Variants in CACNA2D1 observed in about 807,000 individuals in gnomAD.
CACNA2D1 encodes the protein voltage-dependent calcium channel subunit alpha-2/delta-1.
CACNA2D1 carries 53 observed loss-of-function variants against 171.5 expected under a neutral mutation model. The ratio of observed to expected loss-of-function variants is 0.31; its 90% CI spans 0.25 to 0.39. The LOEUF (loss-of-function observed/expected upper bound fraction) is 0.39. Among genes scored for constraint, CACNA2D1 ranks in the 10% least tolerant of loss-of-function variants. The pLI, the probability that CACNA2D1 is intolerant of heterozygous loss-of-function variation, is 1.00. For missense variants in CACNA2D1, 903 were observed against 1,299.8 expected, an observed-to-expected ratio of 0.69 and a Z score of 4.69; for synonymous variants, 442 against 443.1, an observed-to-expected ratio of 1.00 and a Z score of 0.03.
chr7:82,013,025 C>T (rs908992447), intron 14 of CACNA2D1, among the ~76,000 whole-genome samples: 4 of 151,900 alleles, frequency 2.6e-5, no homozygotes, highest in Non-Finnish European at 5.9e-5. Flanking sequence ...ATAAATAGAT[C>T]CACAGGGGTT....
chr7:82,118,137 C>A (rs1481864190), intron 5 of CACNA2D1, among the ~76,000 whole-genome samples: 1 of 152,094 alleles, frequency 6.6e-6, no homozygotes, highest in Non-Finnish European at 1.5e-5. Context: ...GAATGAAGAT[C>A]CAATCAATAA....
intron 3 of CACNA2D1, among the ~76,000 whole-genome samples, chr7:82,206,653 A>G (rs1247164275): frequency 6.6e-6 from 1 of 152,174 alleles, no homozygotes; most frequent in Non-Finnish European, 1.5e-5. Context: ...CTAGGTCTCA[A>G]AATGGCAGGA....
chr7:82,297,072 C>CAAAAAA lies in CACNA2D1; in HGVS notation c.294+38057_294+38062dup, dbSNP rs57473351. 3.0e-3 allele frequency among the ~76,000 whole-genome samples: 215 copies of CAAAAAA among 72,204 alleles called. 20 individuals are homozygous for CAAAAAA. Among genetic ancestry groups the CAAAAAA allele is most frequent in the African/African-American group, 0.013 (180 of 14,108 alleles). 47.4% of individuals were successfully genotyped at this position (72,204 alleles called of 152,430 possible). ...AAACATAGTGAGGCTCTGTGTCTACCAAAAAAAAAAAAAAAAAAAAAAAAA... is the reference window on the plus strand; with the variant it reads ...AAACATAGTGAGGCTCTGTGTCTACCAAAAAAAAAAAAAAAAAAAAAAAAAAAAAAA... On this transcript the variant is annotated intron_variant, in intron 3 of 38. Transcript: ENST00000356860.
At chr7:82,144,566 T>G (rs1792764345) in intron 4 of CACNA2D1, among the ~76,000 whole-genome samples, 1 of 152,054 alleles carries the variant, frequency 6.6e-6, no homozygotes, top group Non-Finnish European at 1.5e-5. Context: ...AAATTTAAAA[T>G]TCTAGCAGAA....
At chr7:82,001,949 T>C (rs962406941) in intron 18 of CACNA2D1, among the ~76,000 whole-genome samples, 1 of 149,938 alleles carries the variant, frequency 6.7e-6, no homozygotes, top group African/African-American at 2.5e-5. Flanking sequence ...ATTTTTCTTT[T>C]TCTAGAAAAG....
At chr7:82,156,972 C>G (rs1794438920) in intron 4 of CACNA2D1, among the ~76,000 whole-genome samples, 1 of 152,028 alleles carries the variant, frequency 6.6e-6, no homozygotes, top group Non-Finnish European at 1.5e-5. Context: ...TTAATTTGCT[C>G]AACAAGTAGC....
intron 3 of CACNA2D1, among the ~76,000 whole-genome samples, chr7:82,319,163 AAGC>A (rs1298659148): frequency 6.6e-6 from 1 of 152,218 alleles, no homozygotes; most frequent in Non-Finnish European, 1.5e-5. Flanking sequence ...AGTATATCAG[AAGC>A]ACATAAAAAA....
chr7:82,217,378 T>TACACAC (rs1340494071), intron 3 of CACNA2D1, among the ~76,000 whole-genome samples: 1 of 113,712 alleles, frequency 8.8e-6, no homozygotes, highest in Non-Finnish European at 1.7e-5. Context: ...TACACACATA[T>TACACAC]ACACACACAC....
At chr7:82,197,793 C>T (rs1351961454) in intron 3 of CACNA2D1, among the ~76,000 whole-genome samples, 2 of 138,426 alleles carry the variant, frequency 1.4e-5, no homozygotes, top group Non-Finnish European at 3.2e-5. Context: ...CTTCTAATGT[C>T]TTTTTTAAAC....
At chr7:81,986,611 T>C (rs1797002500) in intron 21 of CACNA2D1, among the ~76,000 whole-genome samples, 1 of 152,128 alleles carries the variant, frequency 6.6e-6, no homozygotes, top group African/African-American at 2.4e-5. Context: ...AATTATACAA[T>C]AAAGATAGCA....
At chr7:82,417,585 T>C (rs1324232109) in intron 1 of CACNA2D1, among the ~76,000 whole-genome samples, 1 of 152,204 alleles carries the variant, frequency 6.6e-6, no homozygotes, top group Non-Finnish European at 1.5e-5. Flanking sequence ...GTCAATTTAC[T>C]ATGCAGATTC....
chr7:82,312,378 T>A (rs371159465), intron 3 of CACNA2D1, among the ~76,000 whole-genome samples: 10 of 152,218 alleles, frequency 6.6e-5, no homozygotes, highest in African/African-American at 2.4e-4. Context: ...GAAATTAAAA[T>A]TGTGCTTTTG....
chr7:82,371,677 C>T (rs984089404), intron 1 of CACNA2D1, among the ~76,000 whole-genome samples: 42 of 152,050 alleles, frequency 2.8e-4, no homozygotes, highest in Admixed American at 1.8e-3. Flanking sequence ...CGGACTCAAG[C>T]GATTCCCCTG....
intron 12 of CACNA2D1, among the ~76,000 whole-genome samples, chr7:82,021,780 T>TA (rs1801241256): frequency 6.6e-6 from 1 of 151,854 alleles, no homozygotes; most frequent in Non-Finnish European, 1.5e-5. Flanking sequence ...TAGAGAATGA[T>TA]AAAGGGGATG....
At chr7:82,201,936 T>C (rs915648191) in intron 3 of CACNA2D1, among the ~76,000 whole-genome samples, 2 of 152,174 alleles carry the variant, frequency 1.3e-5, no homozygotes, top group African/African-American at 4.8e-5. Flanking sequence ...AGAAATTCAA[T>C]TTCAGGCTCT....
chr7:82,086,049 C>T (rs1810450270), intron 6 of CACNA2D1, among the ~76,000 whole-genome samples: 1 of 152,064 alleles, frequency 6.6e-6, no homozygotes, highest in Non-Finnish European at 1.5e-5. Context: ...GCAGACAGGG[C>T]CACTTTGCAT....
chr7:82,404,745 C>G (rs1190563464), intron 1 of CACNA2D1, among the ~76,000 whole-genome samples: 1 of 152,016 alleles, frequency 6.6e-6, no homozygotes, highest in Admixed American at 6.6e-5. Context: ...AAAACTGTAC[C>G]CTGTGTCTCA....
intron 5 of CACNA2D1, among the ~76,000 whole-genome samples, chr7:82,128,221 C>T (rs369974448): frequency 1.6e-4 from 24 of 152,126 alleles, no homozygotes; most frequent in East Asian, 7.7e-4. Flanking sequence ...TGCACCACAA[C>T]GCCTGGCCGC....
intron 3 of CACNA2D1, among the ~76,000 whole-genome samples, chr7:82,198,595 A>G (rs909453102): frequency 5.9e-5 from 9 of 152,022 alleles, no homozygotes; most frequent in Non-Finnish European, 1.2e-4. Context: ...GTTGCTATCT[A>G]ACTTGGTTTA....
Sources: gnomAD v4.1 joint callset for allele counts (sites outside exome capture counted in the v4.1 genomes callset) on GRCh38, gnomAD v4.1.1 for gene constraint, MANE v1.5 for transcripts, NCBI Gene and HGNC (gene_info 2026-07-23, HGNC 2026-07-21) for gene names.